Variants in PYROXD2 observed in about 807,000 individuals in gnomAD.
PYROXD2 encodes pyridine nucleotide-disulfide oxidoreductase domain-containing protein 2.
PYROXD2 carries 69 observed loss-of-function variants against 71.1 expected under a neutral mutation model. That is an observed-to-expected ratio of 0.97 (90% CI 0.80 to 1.19). The LOEUF is 1.19. Among genes scored for constraint, PYROXD2 ranks in the 50% most tolerant of loss-of-function variants. The probability of loss-of-function intolerance (pLI) is 0.00; values close to 1 mark genes in which losing one functional copy is unlikely to be tolerated. For synonymous variants in PYROXD2, 287 were observed against 302.7 expected, an observed-to-expected ratio of 0.95 and a Z score of 0.54; for missense variants, 745 against 748.9, an observed-to-expected ratio of 0.99 and a Z score of 0.06.
At chr10:98,390,519 G>T in intron 12 of PYROXD2, 79 bp downstream of exon 12, 1 of 1,454,232 alleles carries the variant, frequency 6.9e-7, no homozygotes, top group South Asian at 1.5e-5. Context: ...CCTGATCCCT[G>T]CTGTGGGTGG....
At chr10:98,391,509 A>G (rs10786415) in intron 10 of PYROXD2, among the ~76,000 whole-genome samples, 77,740 of 152,016 alleles carry the variant, frequency 0.51, 22,450 homozygotes, top group African/African-American at 0.78. Context: ...AAGAATGGCT[A>G]GGAGCTTCAT....
chr10:98,399,790 C>A (rs189083132), intron 5 of PYROXD2, among the ~76,000 whole-genome samples: 20 of 152,356 alleles, frequency 1.3e-4, no homozygotes, highest in Admixed American at 1.2e-3. Flanking sequence ...ATGAAGCACA[C>A]GCCAGTGTAA....
At chr10:98,408,113 A>G (rs1390013065) in intron 2 of PYROXD2, 116 bp from the exon 3 acceptor site, 39 of 860,184 alleles carry the variant, frequency 4.5e-5, no homozygotes, top group Non-Finnish European at 5.4e-5. Context: ...GCCACACCCC[A>G]TGGCCTCCCT....
intron 5 of PYROXD2, among the ~76,000 whole-genome samples, chr10:98,398,712 C>T (rs1411669186): frequency 1.3e-5 from 2 of 152,108 alleles, no homozygotes; most frequent in Non-Finnish European, 2.9e-5. Flanking sequence ...TCCTGCAGGC[C>T]CGGGGACCTG....
At chr10:98,392,861 C>T in intron 9 of PYROXD2, 81 bp downstream of exon 9, 4 of 1,496,240 alleles carry the variant, frequency 2.7e-6, no homozygotes, top group South Asian at 1.2e-5. Flanking sequence ...ATTGGTAAAA[C>T]AAGGGACCTT....
At chr10:98,392,713 T>C in intron 9 of PYROXD2, 147 bp from the exon 10 acceptor site, 1 of 1,376,102 alleles carries the variant, frequency 7.3e-7, no homozygotes, top group Non-Finnish European at 9.7e-7. Flanking sequence ...AGCTTCTCCA[T>C]GAAGCCTCAG....
At chr10:98,411,790 T>C (rs1372897210) in intron 1 of PYROXD2, 7 of 152,188 alleles carry the variant, frequency 4.6e-5, no homozygotes, top group Non-Finnish European at 7.3e-5. Context: ...GAACCAAAAG[T>C]TTCATGAGCT....
In PYROXD2 at chr10:98,401,253, C is replaced by CAAAAA. The variant is rs751517406; in HGVS notation, c.316-1001_316-997dup. Among the ~76,000 whole-genome samples the CAAAAA allele has an allele frequency of 8.6e-3, 388 of 45,146 alleles. 1 individual carries two copies. Among genetic ancestry groups the CAAAAA allele is most frequent in the South Asian group, 0.019 (24 of 1,254 alleles). The allele number at this position is 45,146 out of a possible 152,430, so 29.6% of individuals were successfully genotyped here. On this transcript the variant is annotated intron_variant, in intron 4 of 15. Coordinates refer to ENST00000370575, the MANE Select transcript of PYROXD2 (RefSeq NM_032709.3). ...TGGGTGACAAAGCAAGACTCTGTCT[C>CAAAAA]AAAAAAAAAAAAACAAAAAAAAACA...
At chr10:98,400,556 T>TACATC (rs1843361443) in intron 4 of PYROXD2, among the ~76,000 whole-genome samples, 1 of 151,376 alleles carries the variant, frequency 6.6e-6, no homozygotes, top group South Asian at 2.1e-4. Flanking sequence ...CATACCACAC[T>TACATC]ACATCACATC....
intron 10 of PYROXD2, among the ~76,000 whole-genome samples, 166 bp downstream of exon 10, chr10:98,392,266 G>T (rs111783338): frequency 5.3e-5 from 8 of 152,244 alleles, no homozygotes; most frequent in African/African-American, 1.9e-4. Context: ...CACCTGTGAG[G>T]CTTCTTCCCC....
intron 13 of PYROXD2, among the ~76,000 whole-genome samples, chr10:98,387,637 T>G (rs1353883060): frequency 1.4e-5 from 2 of 146,610 alleles, no homozygotes; most frequent in Non-Finnish European, 3.0e-5. Context: ...TTTTTTTTTT[T>G]TTTTTTTTTT....
intron 12 of PYROXD2, among the ~76,000 whole-genome samples, chr10:98,390,131 T>C (rs917566672): frequency 2.0e-5 from 3 of 152,134 alleles, no homozygotes; most frequent in African/African-American, 7.2e-5. Context: ...CTTGCTCCTA[T>C]AGCGCCCCTG....
intron 6 of PYROXD2, among the ~76,000 whole-genome samples, 176 bp downstream of exon 6, chr10:98,397,169 A>G (rs1843215654): frequency 6.6e-6 from 1 of 152,228 alleles, no homozygotes; most frequent in South Asian, 2.1e-4. Context: ...AAGGCATATC[A>G]GCCTAAGATG....
intron 4 of PYROXD2, among the ~76,000 whole-genome samples, chr10:98,401,893 G>C (rs1354940222): frequency 6.6e-6 from 1 of 152,100 alleles, no homozygotes; most frequent in African/African-American, 2.4e-5. Flanking sequence ...CTGTTTGACA[G>C]TGAATTTTTT....
chr10:98,399,970 GC>G, intron 5 of PYROXD2, 131 bp downstream of exon 5: 1 of 1,083,872 alleles, frequency 9.2e-7, no homozygotes, highest in South Asian at 2.0e-5. Context: ...ACCAACTGGA[GC>G]CCTCCTAGGA....
intron 2 of PYROXD2, chr10:98,410,548 G>C (rs1187444844): frequency 8.3e-6 from 2 of 240,920 alleles, no homozygotes; most frequent in Admixed American, 5.4e-5. Context: ...AGACACAAGG[G>C]CTGCCTATGA....
rs762433249 is a variant in PYROXD2 at position 98,387,171 on chromosome 10, T to C, written c.1554+30A>G. 5 of 1,533,924 alleles carry C rather than the reference T, an allele frequency of 3.3e-6. No individual in the cohort carries two copies. The Admixed American group carries it at 8.4e-5, about 26-fold the overall frequency. On this transcript the variant is annotated intron_variant, in intron 14 of 15. Coordinates refer to ENST00000370575, the MANE Select transcript of PYROXD2 (RefSeq NM_032709.3). ...AAGTGAGGGTGCAGAGGGAAGGCTATGGTGAGAGACCCCCTAGGCTTATAC... is the reference window on the plus strand; with the variant it reads ...AAGTGAGGGTGCAGAGGGAAGGCTACGGTGAGAGACCCCCTAGGCTTATAC...
chr10:98,413,935 C>A (rs527456537), intron 1 of PYROXD2: 3 of 151,998 alleles, frequency 2.0e-5, no homozygotes, highest in Non-Finnish European at 4.4e-5. Flanking sequence ...AAGAATCACT[C>A]GGGTAGACTG....
At chr10:98,399,476 A>G (rs1194321740) in intron 5 of PYROXD2, among the ~76,000 whole-genome samples, 1 of 152,222 alleles carries the variant, frequency 6.6e-6, no homozygotes, top group East Asian at 1.9e-4. Context: ...TGGCTCATCT[A>G]GACAAGGCCA....
Sources: allele counts gnomAD v4.1 joint callset (sites outside exome capture counted in the v4.1 genomes callset), GRCh38; gene constraint gnomAD v4.1.1; transcripts MANE v1.5; gene names NCBI Gene and HGNC (gene_info 2026-07-23, HGNC 2026-07-21).